FAT4: variants seen among roughly 807,000 people sequenced by gnomAD.
The protein encoded by FAT4 is FAT atypical cadherin 4.
FAT4 carries 84 observed loss-of-function variants against 303.9 expected under a neutral mutation model. That is an observed-to-expected ratio of 0.28 (90% confidence interval 0.23 to 0.33). FAT4 has a LOEUF of 0.33. Ranked by LOEUF, FAT4 falls within the 10% of genes least tolerant of loss-of-function variation. FAT4 has a pLI of 1.00. For synonymous variants in FAT4, 2,307 were observed against 2,298.8 expected, an observed-to-expected ratio of 1.00 and a Z score of -0.10; for missense variants, 6,005 against 6,146.8, an observed-to-expected ratio of 0.98 and a Z score of 0.77.
intron 2 of FAT4, among the ~76,000 whole-genome samples, chr4:125,326,355 A>C (rs1414269937): frequency 2.6e-5 from 4 of 151,974 alleles, no homozygotes; most frequent in African/African-American, 9.6e-5. Flanking sequence ...CCTCACAAGC[A>C]GAATACAGGC....
At chr4:125,341,969 A>G (rs111319222) in intron 2 of FAT4, among the ~76,000 whole-genome samples, 1 of 152,042 alleles carries the variant, frequency 6.6e-6, no homozygotes, top group African/African-American at 2.4e-5. Flanking sequence ...TATAAAATGT[A>G]TACACACAGT....
At chr4:125,339,447 C>T (rs540342542) in intron 2 of FAT4, among the ~76,000 whole-genome samples, 6 of 152,180 alleles carry the variant, frequency 3.9e-5, no homozygotes, top group South Asian at 2.1e-4. Context: ...CCGCCTGCCT[C>T]GGCCTCCCAA....
chr4:125,322,809 T>C (rs1381211610), intron 2 of FAT4, among the ~76,000 whole-genome samples: 2 of 151,978 alleles, frequency 1.3e-5, no homozygotes, highest in Non-Finnish European at 2.9e-5. Flanking sequence ...GGGAAGAATA[T>C]TTATGGCTTA....
intron 7 of FAT4, among the ~76,000 whole-genome samples, chr4:125,417,046 T>C (rs1735104570): frequency 6.6e-6 from 1 of 152,216 alleles, no homozygotes; most frequent in Non-Finnish European, 1.5e-5. Context: ...CTTTTACTAA[T>C]GCTTGAAATT....
intron 2 of FAT4, among the ~76,000 whole-genome samples, chr4:125,346,030 A>T (rs1006271548): frequency 4.6e-5 from 7 of 152,054 alleles, no homozygotes; most frequent in African/African-American, 1.7e-4. Context: ...TTTGAGAATT[A>T]TTCACTTTGT....
rs1727660028 is a variant in FAT4 at position 125,491,812 on chromosome 4, A to T, written c.*44A>T. 1.3e-6 allele frequency: 2 copies of T among 1,512,218 alleles called. No homozygotes were observed. The highest frequency in any genetic ancestry group is 2.7e-5 in the South Asian group (2 of 74,110). 93.7% of individuals were successfully genotyped at this position (1,512,218 alleles called of 1,614,324 possible). On this transcript the variant is annotated 3_prime_UTR_variant, in exon 18 of 18. Transcript: ENST00000394329. ...ATAAAATATAAAAACAAGAAATAAT[A>T]CTCAAACCATTGTAAAGTTGCTGAC...
At chr4:125,463,979 G>C (rs754112404) in intron 11 of FAT4, among the ~76,000 whole-genome samples, 3 of 152,002 alleles carry the variant, frequency 2.0e-5, no homozygotes, top group Non-Finnish European at 4.4e-5. Context: ...AAAAAATTCT[G>C]TAAGCACTCT....
intron 2 of FAT4, among the ~76,000 whole-genome samples, chr4:125,352,749 C>T (rs998244190): frequency 2.0e-5 from 3 of 150,940 alleles, no homozygotes; most frequent in South Asian, 2.1e-4. Flanking sequence ...AGGGCTAGCA[C>T]GCATACATTG....
intron 6 of FAT4, 35 bp from the exon 7 acceptor site, chr4:125,416,413 G>T: frequency 7.8e-6 from 12 of 1,534,466 alleles, no homozygotes; most frequent in South Asian, 2.5e-5. Context: ...TGCATTGTTT[G>T]TTTTACTCAC....
chr4:125,443,174 T>G (rs990322611), intron 8 of FAT4, among the ~76,000 whole-genome samples: 1 of 152,138 alleles, frequency 6.6e-6, no homozygotes, highest in Non-Finnish European at 1.5e-5. Context: ...TTTTACAAAA[T>G]CAAATGGGGA....
chr4:125,435,435 A>T (rs1463091717), intron 8 of FAT4, among the ~76,000 whole-genome samples: 1 of 152,216 alleles, frequency 6.6e-6, no homozygotes, highest in African/African-American at 2.4e-5. Context: ...GACATTAAGA[A>T]TTATCAGCTA....
intron 2 of FAT4, among the ~76,000 whole-genome samples, chr4:125,326,693 A>G (rs1731169523): frequency 6.6e-6 from 1 of 152,174 alleles, no homozygotes; most frequent in Admixed American, 6.5e-5. Flanking sequence ...CTATGATGAT[A>G]TATGTATGCT....
intron 2 of FAT4, among the ~76,000 whole-genome samples, chr4:125,364,961 A>T (rs1427237123): frequency 4.6e-5 from 7 of 152,170 alleles, no homozygotes; most frequent in Non-Finnish European, 1.0e-4. Flanking sequence ...TTAGAAATTG[A>T]GCATGGAGAA....
Position 125,491,820 on chromosome 4 carries a change from C to A in FAT4, c.*52C>A. 1 of 1,496,228 alleles carries A rather than the reference C, an allele frequency of 6.7e-7. No individual in the cohort carries two copies. 92.7% of individuals were successfully genotyped at this position (1,496,228 alleles called of 1,614,324 possible). On this transcript the variant is annotated 3_prime_UTR_variant, in exon 18 of 18. Transcript: ENST00000394329. ...TAAAAACAAGAAATAATACTCAAAC[C>A]ATTGTAAAGTTGCTGACTAGGTTGG... is the stretch of plus-strand genomic sequence containing the variant.
At chr4:125,353,397 T>C (rs1474882484) in intron 2 of FAT4, among the ~76,000 whole-genome samples, 1 of 151,716 alleles carries the variant, frequency 6.6e-6, no homozygotes, top group East Asian at 1.9e-4. Flanking sequence ...ATGATATAAA[T>C]AATTTTTTAT....
intron 17 of FAT4, 54 bp from the exon 18 acceptor site, chr4:125,489,847 C>CCTT: frequency 4.5e-6 from 2 of 445,942 alleles, no homozygotes; most frequent in Non-Finnish European, 6.6e-6. Context: ...AGTATAAGCT[C>CCTT]TTTTTTTTTT....
intron 2 of FAT4, among the ~76,000 whole-genome samples, chr4:125,360,493 A>AGTCC (rs1205224346): frequency 6.6e-6 from 1 of 152,156 alleles, no homozygotes; most frequent in African/African-American, 2.4e-5. Context: ...CCCTCGGTAG[A>AGTCC]GTCCCACTGT....
chr4:125,410,640 T>C (rs952546809), intron 5 of FAT4, among the ~76,000 whole-genome samples: 1 of 152,120 alleles, frequency 6.6e-6, no homozygotes, highest in Admixed American at 6.6e-5. Flanking sequence ...CATTGTTTCA[T>C]AGAATTGTAT....
At chr4:125,367,977 T>C (rs1161747316) in intron 2 of FAT4, among the ~76,000 whole-genome samples, 1 of 152,158 alleles carries the variant, frequency 6.6e-6, no homozygotes, top group Non-Finnish European at 1.5e-5. Flanking sequence ...TGTGGAACTC[T>C]CTAAATCTGC....
Sources: gnomAD v4.1 joint callset for allele counts (sites outside exome capture counted in the v4.1 genomes callset) on GRCh38, gnomAD v4.1.1 for gene constraint, MANE v1.5 for transcripts, NCBI Gene and HGNC (gene_info 2026-07-23, HGNC 2026-07-21) for gene names.